The following LILRB4 variants were observed in gnomAD, a reference collection of about 807,000 sequenced individuals.
The protein encoded by LILRB4 is leukocyte immunoglobulin-like receptor subfamily B member 4.
LILRB4 carries 49 observed loss-of-function variants against 55.2 expected under a neutral mutation model. The ratio of observed to expected loss-of-function variants is 0.89; its 90% CI spans 0.71 to 1.13. LILRB4 has a LOEUF of 1.13. Ranked by LOEUF, LILRB4 falls within the 50% of genes most tolerant of loss-of-function variation. The pLI, the probability that LILRB4 is intolerant of heterozygous loss-of-function variation, is 0.00. For synonymous variants in LILRB4, 229 were observed against 213.8 expected (o/e 1.07, Z -0.62); for missense variants, 590 against 555.2 (o/e 1.06, Z -0.63).
rs1335417035 is a variant in LILRB4, at chr19:54,666,282, A to G, written c.917A>G (p.Glu306Gly). The G allele has an allele frequency of 1.1e-5, 17 of 1,609,762 alleles. No homozygotes were observed. Among genetic ancestry groups the G allele is most frequent in the Non-Finnish European group, 1.4e-5 (16 of 1,177,802 alleles). ...TTCCAACGTCCTCCAGGGGCTGCCG[A>G]GCCAGAGCCCAAGGACGGGGGCCTA... The change falls in exon 8 of 12, where the codon GAG (glutamate) becomes GGG (glycine). Residue 306 changes from glutamate to glycine, a missense_variant. Coordinates refer to ENST00000430952, the Ensembl canonical transcript of LILRB4. The surrounding 1 kb of genome is among the most constrained non-coding windows in gnomAD (Gnocchi z 4.8).
exon 1 of LILRB4, chr19:54,663,045 C>T: frequency 6.2e-7 from 1 of 1,613,964 alleles, no homozygotes; most frequent in Non-Finnish European, 8.5e-7. Context: ...TGATCCCCAC[C>T]TTCACGGCTC....
intron 3 of LILRB4, 53 bp from the exon 4 acceptor site, chr19:54,664,133 G>A: frequency 6.3e-7 from 1 of 1,591,096 alleles, no homozygotes; most frequent in East Asian, 2.2e-5. Context: ...CAGCCCTGGG[G>A]ATGATGTGGG....
At position 54,663,749 on chromosome 19, in the gene LILRB4, T is replaced by C; in HGVS notation, c.71-5T>C. The C allele has an allele frequency of 6.2e-7, 1 of 1,613,810 alleles. No homozygotes were observed. The highest frequency in any genetic ancestry group is 1.3e-5 in the African/African-American group (1 of 75,002). On this transcript the variant is annotated splice_region_variant and splice_polypyrimidine_tract_variant and intron_variant, in intron 2 of 11. Transcript: ENST00000430952. ...CTTGGGATCCAGCCTCTGATTTTCT[T>C]CCAGGGCCCCTCCCCAAACCCACCC...
In LILRB4 at chr19:54,666,698, T is replaced by C. The variant is rs1417774734; in HGVS notation, c.990T>C (p.Cys330=). 1 of 1,614,114 alleles carries C rather than the reference T, an allele frequency of 6.2e-7. No homozygotes were observed. Among genetic ancestry groups the C allele is most frequent in the Non-Finnish European group, 8.5e-7 (1 of 1,179,962 alleles). ...GAACCCCTTGCTCTACCCCAGCAGGTGCTGCCGTGAAGAACACACAGCCTG... is the reference window on the plus strand; with the variant it reads ...GAACCCCTTGCTCTACCCCAGCAGGCGCTGCCGTGAAGAACACACAGCCTG... The change falls in exon 10 of 12, where the codon TGT becomes TGC. Residue 330 remains cysteine, a splice_region_variant and synonymous_variant. Transcript: ENST00000430952. The surrounding 1 kb of genome is among the most constrained non-coding windows in gnomAD (Gnocchi z 4.8).
In LILRB4 at chr19:54,665,537, T is replaced by C. The variant is rs1268414905; in HGVS notation, c.758-278T>C. On this transcript the variant is annotated intron_variant, in intron 6 of 11. Coordinates refer to ENST00000430952, the Ensembl canonical transcript of LILRB4. This position sits in a 1 kb window ranked among gnomAD's most constrained non-coding sequence, Gnocchi z 5.5. ...TTTCCCTGCAACTCTGGGGCTTGGCTCTGGTGCAGGAACAAGGGCTGCAGC... is the reference window on the plus strand; with the variant it reads ...TTTCCCTGCAACTCTGGGGCTTGGCCCTGGTGCAGGAACAAGGGCTGCAGC... 6.6e-6 allele frequency among the ~76,000 whole-genome samples: 1 copy of C among 152,086 alleles called. No individual in the cohort carries two copies.
chr19:54,667,570 G>A lies in LILRB4; in HGVS notation c.1042-68G>A. 8 of 1,600,740 alleles carry A rather than the reference G, an allele frequency of 5.0e-6. No homozygotes were observed. In the South Asian group the frequency reaches 6.7e-5, roughly 13 times the overall value. On this transcript the variant is annotated intron_variant, in intron 10 of 11. Coordinates refer to ENST00000430952, the Ensembl canonical transcript of LILRB4. Reference sequence around the variant, plus strand: ...GTAATCGGATCACCCTGGGAACAGTGGGGAAAATTGACTCCAGGGAGTCAG... The same window carrying A: ...GTAATCGGATCACCCTGGGAACAGTAGGGAAAATTGACTCCAGGGAGTCAG...
At chr19:54,667,759 G>A in exon 11 of LILRB4, 1 of 1,611,682 alleles carries the variant, frequency 6.2e-7, no homozygotes, top group Non-Finnish European at 8.5e-7. Flanking sequence ...ACAAAGGACA[G>A]ACAGGCAGAA....
exon 3 of LILRB4, chr19:54,663,888 T>C (rs962367381): frequency 1.2e-6 from 2 of 1,614,032 alleles, no homozygotes; most frequent in African/African-American, 2.7e-5. Context: ...CCCAGCACCC[T>C]GGGACAGACA....
At chr19:54,664,570 G>C in intron 4 of LILRB4, 85 bp downstream of exon 4, 1 of 1,421,108 alleles carries the variant, frequency 7.0e-7, no homozygotes, top group Non-Finnish European at 9.6e-7. Flanking sequence ...GGGATGGAGG[G>C]AGAGGGGCTC....
At position 54,664,136 on chromosome 19, in the gene LILRB4, G is replaced by A. The variant is rs1273729393; in HGVS notation, c.356-50G>A. 19 of 1,589,076 alleles carry A rather than the reference G, an allele frequency of 1.2e-5. No individual in the cohort carries two copies. The South Asian group carries it at 2.1e-4, about 17-fold the overall frequency. On this transcript the variant is annotated intron_variant, in intron 3 of 11. Coordinates refer to ENST00000430952, the Ensembl canonical transcript of LILRB4. ...CCTCTCACAGCCCAGCCCTGGGGAT[G>A]ATGTGGGAGGTGGGAGCCCCATTTA...
rs144393412 is a variant in LILRB4 at position 54,666,737 on chromosome 19, A to G, written c.1029A>G (p.Glu343=). Residue 343 remains glutamate, a synonymous_variant, in exon 10 of 12, where the codon GAA becomes GAG. Coordinates refer to ENST00000430952, the Ensembl canonical transcript of LILRB4. The surrounding 1 kb of genome is among the most constrained non-coding windows in gnomAD (Gnocchi z 4.8). Reference sequence around the variant, plus strand: ...ACACACAGCCTGAGGACGGGGTGGAAATGGACACTCGGGTGAGAACCCGCC... The same window carrying G: ...ACACACAGCCTGAGGACGGGGTGGAGATGGACACTCGGGTGAGAACCCGCC... 1.9e-3 allele frequency: 3,128 copies of G among 1,614,124 alleles called. 20 individuals carry two copies. The highest frequency in any genetic ancestry group is 2.5e-3 in the South Asian group (227 of 91,084).
At chr19:54,664,771 C>T in intron 4 of LILRB4, 28 bp from the exon 5 acceptor site, 5 of 1,534,562 alleles carry the variant, frequency 3.3e-6, no homozygotes, top group Non-Finnish European at 4.4e-6. Flanking sequence ...ACCCCAGACT[C>T]TCACCCTCCT....
intron 4 of LILRB4, 94 bp from the exon 5 acceptor site, chr19:54,664,705 G>A: frequency 9.0e-7 from 1 of 1,109,340 alleles, no homozygotes; most frequent in African/African-American, 1.6e-5. Context: ...TGGTCCTTGG[G>A]AAGCTGCAGG....
chr19:54,665,172 C>A lies in LILRB4; in HGVS notation c.749C>A (p.Pro250His), dbSNP rs2065210917. 1 of 1,601,804 alleles carries A rather than the reference C, an allele frequency of 6.2e-7. No individual in the cohort carries two copies. The highest frequency in any genetic ancestry group is 8.5e-7 in the Non-Finnish European group (1 of 1,173,506). The change falls in exon 6 of 12, where the codon CCC becomes CAC. Residue 250 changes from proline to histidine, a missense_variant. Coordinates refer to ENST00000430952, the Ensembl canonical transcript of LILRB4. The surrounding 1 kb of genome is among the most constrained non-coding windows in gnomAD (Gnocchi z 5.5). ...CCCCTCATGCCTACAGGGTCAGTCCCCCACAGTGGTGAGTGAGGGGCTCTG... is the reference window on the plus strand; with the variant it reads ...CCCCTCATGCCTACAGGGTCAGTCCACCACAGTGGTGAGTGAGGGGCTCTG...
chr19:54,666,621 C>T lies in LILRB4; in HGVS notation c.989-76C>T. 6.5e-7 allele frequency: 1 copy of T among 1,527,092 alleles called. No individual in the cohort carries two copies. The allele number at this position is 1,527,092 out of a possible 1,614,324, so 94.6% of individuals were successfully genotyped here. The stretch of plus-strand genomic sequence containing the variant: ...TGCGTTGCAGTGGCACTAATGGGAA[C>T]AGGGCAGGGACCAGCAGGAATGAGA... On this transcript the variant is annotated intron_variant, in intron 9 of 11. Transcript: ENST00000430952. This position sits in a 1 kb window ranked among gnomAD's most constrained non-coding sequence, Gnocchi z 4.8.
chr19:54,667,115 C>G (rs1390121968), intron 10 of LILRB4: 1 of 597,954 alleles, frequency 1.7e-6, no homozygotes, highest in Non-Finnish European at 3.2e-6. Context: ...CCCATGGGAG[C>G]TGCAGACACA....
At position 54,666,135 on chromosome 19, in the gene LILRB4, C is replaced by T; in HGVS notation, c.875-105C>T. The T allele has an allele frequency of 7.8e-7, 1 of 1,287,388 alleles. No individual in the cohort carries two copies. Among genetic ancestry groups the T allele is most frequent in the South Asian group, 1.4e-5 (1 of 69,414 alleles). 79.7% of individuals were successfully genotyped at this position (1,287,388 alleles called of 1,614,324 possible). A position where few individuals can be genotyped will look rare whatever the true frequency, so the allele number is the denominator to read the frequency against. ...TTCTAAACTTAGAAAGTATTTAAAA[C>T]ATCCTTGCAAGTGTATTTTCAGGTT... On this transcript the variant is annotated intron_variant, in intron 7 of 11. Transcript: ENST00000430952. The surrounding 1 kb of genome is among the most constrained non-coding windows in gnomAD (Gnocchi z 4.8).
In LILRB4 at chr19:54,666,667, G is replaced by C. The variant is rs200277531; in HGVS notation, c.989-30G>C. 5.6e-6 allele frequency: 9 copies of C among 1,611,762 alleles called. No individual in the cohort carries two copies. In the East Asian group the frequency reaches 2.0e-4, roughly 36 times the overall value. ...TGAGAGGTCCCAGGGAACCTTCCCA[G>C]GAGATGAACCCCTTGCTCTACCCCA... On this transcript the variant is annotated intron_variant, in intron 9 of 11. Coordinates refer to ENST00000430952, the Ensembl canonical transcript of LILRB4. The surrounding 1 kb of genome is among the most constrained non-coding windows in gnomAD (Gnocchi z 4.8).
chr19:54,663,870 G>A (rs2065133017), exon 3 of LILRB4: 1 of 1,614,174 alleles, frequency 6.2e-7, no homozygotes, highest in Non-Finnish European at 8.5e-7. Context: ...TCTGGATAAA[G>A]AGGAAAGCCC....
Sources: allele counts gnomAD v4.1 joint callset (sites outside exome capture counted in the v4.1 genomes callset), GRCh38; gene constraint gnomAD v4.1.1; non-coding constraint Gnocchi (gnomAD v3.1); transcripts MANE v1.5; gene names NCBI Gene and HGNC (gene_info 2026-07-23, HGNC 2026-07-21).